Variants in ROR2 observed in about 807,000 individuals in gnomAD.
ROR2 encodes tyrosine-protein kinase transmembrane receptor ROR2.
In ROR2, 33 loss-of-function variants were observed where a neutral mutation model predicts 74.9. The observed-to-expected ratio is 0.44, with a 90% CI of 0.33 to 0.59. The LOEUF is 0.59. Among genes scored for constraint, ROR2 ranks in the 20% least tolerant of loss-of-function variants. The pLI, the probability that ROR2 is intolerant of heterozygous loss-of-function variation, is 0.02. For synonymous variants in ROR2, 586 were observed against 558.7 expected (o/e 1.05, Z -0.69); for missense variants, 1,216 against 1,313.8 (o/e 0.93, Z 1.15).
rs1587737543 is a variant in ROR2, at chr9:91,807,098, T to C, written c.98-31280A>G. On this transcript the variant is annotated intron_variant, in intron 1 of 8. Transcript: ENST00000375708. ...CTGCCCCCTACCCTGGAAGGCTATG[T>C]AGAGAAGGAAGGCTACATAGAGAGG... Among the ~76,000 whole-genome samples, 3 of 152,312 alleles carry C rather than the reference T, an allele frequency of 2.0e-5. No individual in the cohort carries two copies. The South Asian group carries it at 6.2e-4, about 32-fold the overall frequency.
chr9:91,946,680 C>G (rs1832021930), intron 1 of ROR2, among the ~76,000 whole-genome samples: 1 of 152,230 alleles, frequency 6.6e-6, no homozygotes, highest in South Asian at 2.1e-4. Flanking sequence ...AAAGAGTACA[C>G]AAATTTCCAG....
At chr9:91,919,098 C>T (rs920048652) in intron 1 of ROR2, among the ~76,000 whole-genome samples, 4 of 152,188 alleles carry the variant, frequency 2.6e-5, no homozygotes, top group African/African-American at 9.7e-5. Context: ...TCCAGCTTCC[C>T]AGGTAGATTA....
At chr9:91,842,045 C>T (rs2119218761) in intron 1 of ROR2, among the ~76,000 whole-genome samples, 1 of 152,328 alleles carries the variant, frequency 6.6e-6, no homozygotes, top group South Asian at 2.1e-4. Context: ...CCAGGCCAGG[C>T]TTCCAGTAAC....
intron 1 of ROR2, among the ~76,000 whole-genome samples, chr9:91,867,123 T>C (rs1325950044): frequency 1.3e-5 from 2 of 152,214 alleles, no homozygotes; most frequent in African/African-American, 4.8e-5. Flanking sequence ...AGGGACTCCT[T>C]AGCATCTCCA....
chr9:91,876,122 C>T (rs1829949190), intron 1 of ROR2, among the ~76,000 whole-genome samples: 2 of 152,094 alleles, frequency 1.3e-5, no homozygotes, highest in Admixed American at 6.5e-5. Context: ...CCTGGAATCC[C>T]AGCACTTTGG....
At chr9:91,830,786 T>C (rs984650933) in intron 1 of ROR2, among the ~76,000 whole-genome samples, 4 of 150,772 alleles carry the variant, frequency 2.7e-5, no homozygotes, top group African/African-American at 9.8e-5. Context: ...GAATACATTT[T>C]ACCAAAACTA....
chr9:91,896,989 T>C (rs763173560), intron 1 of ROR2, among the ~76,000 whole-genome samples: 11 of 152,066 alleles, frequency 7.2e-5, no homozygotes, highest in Non-Finnish European at 1.6e-4. Flanking sequence ...AAAGAGCGAG[T>C]GGGAGCAAAG....
At position 91,799,609 on chromosome 9, in the gene ROR2, G is replaced by A. The variant is rs538259876; in HGVS notation, c.98-23791C>T. The stretch of plus-strand genomic sequence containing the variant: ...TGCCTCTGCCACCTACCAGCCCTGA[G>A]CCAAGGCAGGAAACACAGCTTCTCT... On this transcript the variant is annotated intron_variant, in intron 1 of 8. Transcript: ENST00000375708. Among the ~76,000 whole-genome samples the A allele has an allele frequency of 2.6e-5, 4 of 152,306 alleles. No individual in the cohort carries two copies. The South Asian group carries it at 8.3e-4, about 32-fold the overall frequency.
intron 1 of ROR2, among the ~76,000 whole-genome samples, chr9:91,819,017 C>T (rs1458408774): frequency 6.6e-6 from 1 of 152,234 alleles, no homozygotes; most frequent in Non-Finnish European, 1.5e-5. Context: ...CCCCACAGCT[C>T]TGTCCGGTCA....
chr9:91,754,053 TGAC>T (rs56110100), intron 4 of ROR2, among the ~76,000 whole-genome samples: 81,901 of 151,496 alleles, frequency 0.54, 22,172 homozygotes, highest in African/African-American at 0.56. Flanking sequence ...TTTACCTTTA[TGAC>T]AAGGGAGGCA....
chr9:91,839,277 T>TGTGTGTGTGTGTGTAAGTACAGGC (rs1828712004), intron 1 of ROR2, among the ~76,000 whole-genome samples: 5 of 145,248 alleles, frequency 3.4e-5, no homozygotes, highest in East Asian at 4.0e-4. Flanking sequence ...TGTGTGTGTG[T>TGTGTGTGTGTGTGTAAGTACAGGC]GTGTGTGTGT....
intron 1 of ROR2, among the ~76,000 whole-genome samples, chr9:91,882,860 C>T (rs183537000): frequency 5.3e-4 from 81 of 152,268 alleles, no homozygotes; most frequent in African/African-American, 1.9e-3. Flanking sequence ...CCCCTGCTGA[C>T]ACCTGATCTG....
At chr9:91,812,454 T>C (rs1370424011) in intron 1 of ROR2, among the ~76,000 whole-genome samples, 2 of 152,042 alleles carry the variant, frequency 1.3e-5, no homozygotes, top group Non-Finnish European at 2.9e-5. Flanking sequence ...AATCCACGGA[T>C]TGATGGTGAC....
rs1035585402 is a variant in ROR2 at position 91,740,286 on chromosome 9, A to T, written c.495-2768T>A. On this transcript the variant is annotated intron_variant, in intron 4 of 8. Coordinates refer to ENST00000375708, the MANE Select transcript of ROR2 (RefSeq NM_004560.4). The stretch of plus-strand genomic sequence containing the variant: ...TATCCAGGCTGGGCGCGGTGGCTCA[A>T]ACCTGTAATCCCAGCACTTTGGGAG... Among the ~76,000 whole-genome samples the T allele has an allele frequency of 2.0e-5, 3 of 151,914 alleles. No individual in the cohort carries two copies. The East Asian group carries it at 5.8e-4, about 29-fold the overall frequency.
At chr9:91,834,323 C>T (rs982515559) in intron 1 of ROR2, among the ~76,000 whole-genome samples, 10 of 152,314 alleles carry the variant, frequency 6.6e-5, no homozygotes, top group Admixed American at 4.6e-4. Context: ...CACGTCCCCG[C>T]GTGCAAACCC....
At chr9:91,852,641 A>ACACACACC (rs1403260792) in intron 1 of ROR2, among the ~76,000 whole-genome samples, 3 of 151,420 alleles carry the variant, frequency 2.0e-5, no homozygotes, top group African/African-American at 7.3e-5. Flanking sequence ...ACACACACAC[A>ACACACACC]CACACACACC....
intron 1 of ROR2, among the ~76,000 whole-genome samples, chr9:91,808,671 G>GA (rs1341628467): frequency 3.3e-5 from 5 of 149,920 alleles, no homozygotes; most frequent in African/African-American, 1.2e-4. Flanking sequence ...TAAAATGTGT[G>GA]AAGTAGGCTG....
chr9:91,923,616 G>C (rs1417002672), intron 1 of ROR2: 1 of 152,132 alleles, frequency 6.6e-6, no homozygotes, highest in Non-Finnish European at 1.5e-5. Flanking sequence ...ACCATAACAG[G>C]ACCACAAATA....
intron 1 of ROR2, among the ~76,000 whole-genome samples, chr9:91,823,575 C>T (rs1828199189): frequency 1.3e-5 from 2 of 152,204 alleles, no homozygotes; most frequent in African/African-American, 4.8e-5. Context: ...CATGAGCCAC[C>T]GTGCCCAGCC....
Sources: gnomAD v4.1 joint callset for allele counts (sites outside exome capture counted in the v4.1 genomes callset) on GRCh38, gnomAD v4.1.1 for gene constraint, MANE v1.5 for transcripts, NCBI Gene and HGNC (gene_info 2026-07-23, HGNC 2026-07-21) for gene names.